CNTN4: variants seen among roughly 807,000 people sequenced by gnomAD.
CNTN4 encodes the protein contactin 4.
In CNTN4, 77 loss-of-function variants were observed where a neutral mutation model predicts 122.5. The ratio of observed to expected loss-of-function variants is 0.63; its 90% CI spans 0.52 to 0.76. The LOEUF (loss-of-function observed/expected upper bound fraction) is 0.76. Ranked by LOEUF, CNTN4 falls within the 30% of genes least tolerant of loss-of-function variation. The pLI is 0.00. For missense variants in CNTN4, 1,256 were observed against 1,259.1 expected (o/e 1.00, Z 0.04); for synonymous variants, 512 against 447.0 (o/e 1.15, Z -1.83).
chr3:2,353,866 T>C (rs961004927), intron 3 of CNTN4, among the ~76,000 whole-genome samples: 1 of 151,944 alleles, frequency 6.6e-6, no homozygotes, highest in Non-Finnish European at 1.5e-5. Context: ...GCCACCGCAC[T>C]CCAGCCTGGG....
chr3:2,314,235 T>A (rs2043015723), intron 2 of CNTN4, among the ~76,000 whole-genome samples: 1 of 151,964 alleles, frequency 6.6e-6, no homozygotes, highest in South Asian at 2.1e-4. Context: ...TGATACAGAA[T>A]TTAGTTTCAT....
chr3:2,616,167 C>A (rs375161700), intron 4 of CNTN4, among the ~76,000 whole-genome samples: 1 of 151,212 alleles, frequency 6.6e-6, no homozygotes, highest in Non-Finnish European at 1.5e-5. Context: ...CCCCAACAGG[C>A]CCAGTGTGTG....
At chr3:2,316,760 G>A (rs9883479) in intron 2 of CNTN4, among the ~76,000 whole-genome samples, 2,552 of 152,136 alleles carry the variant, frequency 0.017, 75 homozygotes, top group African/African-American at 0.058. Context: ...ATGTTAAAAC[G>A]AAGAGTTTAA....
intron 7 of CNTN4, among the ~76,000 whole-genome samples, chr3:2,828,306 C>A (rs1421811813): frequency 6.6e-6 from 1 of 151,942 alleles, no homozygotes; most frequent in Non-Finnish European, 1.5e-5. Flanking sequence ...AAGCGACTTC[C>A]CTGAGAGATG....
intron 6 of CNTN4, among the ~76,000 whole-genome samples, chr3:2,782,298 G>C (rs967712109): frequency 2.0e-5 from 3 of 151,776 alleles, no homozygotes; most frequent in African/African-American, 7.3e-5. Context: ...TAGGTGGGGG[G>C]GGGCCTTAGA....
chr3:2,718,882 A>C (rs2087662284), intron 4 of CNTN4, among the ~76,000 whole-genome samples: 1 of 152,188 alleles, frequency 6.6e-6, no homozygotes, highest in Non-Finnish European at 1.5e-5. Context: ...TGATGGGCCC[A>C]AATTGGATCA....
chr3:2,394,650 G>A (rs1275579041), intron 3 of CNTN4, among the ~76,000 whole-genome samples: 1 of 152,070 alleles, frequency 6.6e-6, no homozygotes, highest in African/African-American at 2.4e-5. Flanking sequence ...AATTACTTTG[G>A]AAAAGGGTTT....
intron 13 of CNTN4, among the ~76,000 whole-genome samples, chr3:2,940,398 A>G (rs1039935533): frequency 6.6e-6 from 1 of 152,246 alleles, no homozygotes; most frequent in African/African-American, 2.4e-5. Context: ...AATACTTTAG[A>G]TAAGTGCAAA....
chr3:2,705,825 T>G (rs1204385617), intron 4 of CNTN4, among the ~76,000 whole-genome samples: 1 of 105,078 alleles, frequency 9.5e-6, no homozygotes, highest in Non-Finnish European at 1.7e-5. Context: ...TAATATATAA[T>G]AAATATATAT....
intron 13 of CNTN4, among the ~76,000 whole-genome samples, chr3:2,944,026 T>C (rs968990707): frequency 6.6e-6 from 1 of 152,076 alleles, no homozygotes; most frequent in African/African-American, 2.4e-5. Flanking sequence ...TGTAGTTCCA[T>C]AGTAAAAAAT....
At chr3:2,605,371 A>T (rs2081214606) in intron 4 of CNTN4, among the ~76,000 whole-genome samples, 1 of 152,222 alleles carries the variant, frequency 6.6e-6, no homozygotes, top group South Asian at 2.1e-4. Context: ...GAAGGGGATC[A>T]GAGAGAAGGC....
At chr3:2,832,681 G>A (rs539931417) in intron 7 of CNTN4, among the ~76,000 whole-genome samples, 1 of 152,180 alleles carries the variant, frequency 6.6e-6, no homozygotes, top group Non-Finnish European at 1.5e-5. Context: ...TGTGAAAGTG[G>A]TGACTGAAGC....
intron 8 of CNTN4, among the ~76,000 whole-genome samples, chr3:2,878,330 G>A (rs1380189587): frequency 1.3e-5 from 2 of 152,146 alleles, no homozygotes; most frequent in African/African-American, 4.8e-5. Flanking sequence ...CTTAATAAAT[G>A]ACTTCTATGC....
chr3:2,634,687 A>AAAAT (rs1553599102), intron 4 of CNTN4, among the ~76,000 whole-genome samples: 20 of 133,154 alleles, frequency 1.5e-4, no homozygotes, highest in African/African-American at 2.0e-4. Context: ...AAAAAAAAAA[A>AAAAT]ATATATATAT....
At chr3:3,037,465 T>C in intron 18 of CNTN4, 137 bp downstream of exon 18, 2 of 1,259,698 alleles carry the variant, frequency 1.6e-6, no homozygotes, top group Non-Finnish European at 2.3e-6. Context: ...TTTATAATGA[T>C]AGAAATCAGG....
At chr3:2,472,170 A>G (rs2075704752) in intron 3 of CNTN4, among the ~76,000 whole-genome samples, 1 of 151,398 alleles carries the variant, frequency 6.6e-6, no homozygotes. Flanking sequence ...AAAAAAAAAA[A>G]AGTTCTCCCC....
chr3:2,259,249 C>G (rs1299284596), intron 2 of CNTN4, among the ~76,000 whole-genome samples: 2 of 152,070 alleles, frequency 1.3e-5, no homozygotes, highest in Non-Finnish European at 2.9e-5. Context: ...AACCAATCAA[C>G]AAGGAGGAAG....
chr3:2,395,049 A>T (rs997534830), intron 3 of CNTN4, among the ~76,000 whole-genome samples: 34 of 152,288 alleles, frequency 2.2e-4, no homozygotes, highest in Non-Finnish European at 4.4e-4. Context: ...GGCCTCCCAA[A>T]GTGCTGGGAT....
rs1156669675 is a variant in CNTN4 at position 2,646,783 on chromosome 3, C to T, written c.55+75225C>T. Among the ~76,000 whole-genome samples the T allele has an allele frequency of 3.3e-5, 5 of 152,228 alleles. No homozygotes were observed. In the East Asian group the frequency reaches 9.7e-4, roughly 29 times the overall value. ...CTGGTTTTCAGATGATCACCTTCTC[C>T]CTGTATCCTCACATGGCCTTTCCTC... On this transcript the variant is annotated intron_variant, in intron 4 of 24. Coordinates refer to ENST00000418658, the MANE Select transcript of CNTN4 (RefSeq NM_175607.3).
Sources: allele counts gnomAD v4.1 joint callset (sites outside exome capture counted in the v4.1 genomes callset), GRCh38; gene constraint gnomAD v4.1.1; transcripts MANE v1.5; gene names NCBI Gene and HGNC (gene_info 2026-07-23, HGNC 2026-07-21).